CUBN: variants seen among roughly 807,000 people sequenced by gnomAD.
The protein encoded by CUBN is 460 kDa receptor.
Under a neutral mutation model 405.3 loss-of-function variants are expected in CUBN, and 282 were observed. The ratio of observed to expected loss-of-function variants is 0.70; its 90% CI spans 0.63 to 0.77. The LOEUF is 0.77. CUBN is among the 30% of genes least tolerant of loss of function. CUBN has a pLI of 0.00. For missense variants in CUBN, 4,514 were observed against 4,475.2 expected, an observed-to-expected ratio of 1.01 and a Z score of -0.25; for synonymous variants, 1,684 against 1,617.0, an observed-to-expected ratio of 1.04 and a Z score of -0.99.
intron 13 of CUBN, 105 bp downstream of exon 13, chr10:17,103,020 T>C (rs1024405779): frequency 2.6e-6 from 2 of 765,202 alleles, no homozygotes; most frequent in South Asian, 1.5e-5. Context: ...CAATATATGA[T>C]AGTTGAATTA....
chr10:16,982,031 C>T (rs1272301859), intron 31 of CUBN, among the ~76,000 whole-genome samples: 3 of 152,190 alleles, frequency 2.0e-5, no homozygotes, highest in African/African-American at 7.2e-5. Context: ...TTCCATGATA[C>T]TTTCTGGATC....
At chr10:17,040,735 C>T (rs1834999067) in intron 27 of CUBN, among the ~76,000 whole-genome samples, 1 of 151,872 alleles carries the variant, frequency 6.6e-6, no homozygotes, top group African/African-American at 2.4e-5. Context: ...AGAGAACAAA[C>T]ATAAAAACAA....
intron 27 of CUBN, among the ~76,000 whole-genome samples, chr10:17,031,389 A>G (rs1466568996): frequency 2.0e-5 from 3 of 152,112 alleles, no homozygotes; most frequent in African/African-American, 7.3e-5. Flanking sequence ...CTCTTTACAT[A>G]TATGGATTCA....
intron 22 of CUBN, among the ~76,000 whole-genome samples, chr10:17,055,910 T>C (rs1357676994): frequency 6.6e-6 from 1 of 152,122 alleles, no homozygotes; most frequent in Non-Finnish European, 1.5e-5. Flanking sequence ...ATTGAAAAGC[T>C]GATTCTAAAA....
At chr10:16,864,657 C>CTTTTTTTTTTTTT (rs58100254) in intron 59 of CUBN, among the ~76,000 whole-genome samples, 2 of 121,446 alleles carry the variant, frequency 1.6e-5, no homozygotes, top group East Asian at 2.6e-4. Context: ...TTTTTTCTTT[C>CTTTTTTTTTTTTT]TTTTTTTTTT....
intron 59 of CUBN, among the ~76,000 whole-genome samples, chr10:16,852,544 G>A (rs967202823): frequency 2.0e-5 from 3 of 147,068 alleles, no homozygotes; most frequent in Non-Finnish European, 3.0e-5. Context: ...TGCCTCCCTC[G>A]CTCTTTGCTT....
chr10:17,119,985 C>T (rs1294410553), intron 6 of CUBN, among the ~76,000 whole-genome samples: 2 of 152,054 alleles, frequency 1.3e-5, no homozygotes, highest in African/African-American at 2.4e-5. Flanking sequence ...CTCCTTTTTC[C>T]GTCCAAGTAA....
intron 39 of CUBN, among the ~76,000 whole-genome samples, chr10:16,936,160 T>A (rs1200365818): frequency 6.6e-6 from 1 of 152,146 alleles, no homozygotes; most frequent in Non-Finnish European, 1.5e-5. Flanking sequence ...ATTATGAAAT[T>A]TCGTAATAAA....
intron 40 of CUBN, 21 bp from the exon 41 acceptor site, chr10:16,928,324 C>A (rs1406343604): frequency 1.2e-6 from 2 of 1,612,934 alleles, no homozygotes; most frequent in Admixed American, 3.3e-5. Flanking sequence ...AGAAAGGGAA[C>A]AACATGAAAA....
intron 36 of CUBN, among the ~76,000 whole-genome samples, chr10:16,941,521 A>C (rs1234437040): frequency 2.0e-5 from 3 of 152,330 alleles, no homozygotes; most frequent in African/African-American, 7.2e-5. Context: ...TTGAATTCAT[A>C]AATAAACATT....
intron 31 of CUBN, among the ~76,000 whole-genome samples, chr10:16,977,381 C>T (rs1384641590): frequency 6.6e-6 from 1 of 152,032 alleles, no homozygotes; most frequent in African/African-American, 2.4e-5. Flanking sequence ...AGCAGAGGAG[C>T]AGAAGAGCAG....
At chr10:17,021,029 A>G (rs909353980) in intron 27 of CUBN, among the ~76,000 whole-genome samples, 1 of 152,192 alleles carries the variant, frequency 6.6e-6, no homozygotes, top group African/African-American at 2.4e-5. Context: ...TATGATGACG[A>G]TCATGTTTTA....
In CUBN at chr10:17,085,580, A is replaced by T. The variant is rs548918948; in HGVS notation, c.2110+17T>A. ...CCTTCAAATCCCTCTTAAGCCCCCA[A>T]CTGGTAGGTTACTTACAAGGTGATG... On this transcript the variant is annotated intron_variant, in intron 16 of 66. Coordinates refer to ENST00000377833, the MANE Select transcript of CUBN (RefSeq NM_001081.4). 6.2e-7 allele frequency: 1 copy of T among 1,612,656 alleles called. No individual in the cohort carries two copies. Among genetic ancestry groups the T allele is most frequent in the Non-Finnish European group, 8.5e-7 (1 of 1,178,676 alleles).
intron 10 of CUBN, among the ~76,000 whole-genome samples, chr10:17,107,481 A>AT (rs1836660950): frequency 6.7e-6 from 1 of 149,700 alleles, no homozygotes; most frequent in Non-Finnish European, 1.5e-5. Flanking sequence ...ATTGAATGAC[A>AT]ATATAAGTTG....
intron 59 of CUBN, among the ~76,000 whole-genome samples, chr10:16,857,203 G>A (rs1386524995): frequency 1.3e-5 from 2 of 152,084 alleles, no homozygotes; most frequent in Non-Finnish European, 2.9e-5. Context: ...GTTTTTTATT[G>A]TTTTGTTTGT....
At chr10:16,933,770 A>G (rs1245135859) in intron 39 of CUBN, among the ~76,000 whole-genome samples, 1 of 151,996 alleles carries the variant, frequency 6.6e-6, no homozygotes, top group East Asian at 1.9e-4. Flanking sequence ...ATTTCCAGAA[A>G]CATGTCGGAG....
In CUBN at chr10:16,824,781, A is replaced by C. The variant is rs1436843940; in HGVS notation, c.*194T>G. 1 of 567,272 alleles carries C rather than the reference A, an allele frequency of 1.8e-6. No homozygotes were observed. Among genetic ancestry groups the C allele is most frequent in the South Asian group, 1.7e-5 (1 of 59,902 alleles). 35.1% of individuals were successfully genotyped at this position (567,272 alleles called of 1,614,324 possible). On this transcript the variant is annotated 3_prime_UTR_variant, in exon 67 of 67. Transcript: ENST00000377833. ...GTGATCAACCTGCCTCGGCCTCCCAAAGTGCTGAGAATACAGGGGGGTGAG... is the reference window on the plus strand; with the variant it reads ...GTGATCAACCTGCCTCGGCCTCCCACAGTGCTGAGAATACAGGGGGGTGAG...
chr10:16,898,066 G>GTATGTATA (rs982879441), intron 54 of CUBN, among the ~76,000 whole-genome samples: 2 of 145,032 alleles, frequency 1.4e-5, no homozygotes, highest in African/African-American at 5.1e-5. Flanking sequence ...TTTATTATAT[G>GTATGTATA]TATATATATA....
At chr10:16,965,407 A>G (rs1843361155) in intron 31 of CUBN, among the ~76,000 whole-genome samples, 1 of 152,168 alleles carries the variant, frequency 6.6e-6, no homozygotes, top group Non-Finnish European at 1.5e-5. Flanking sequence ...ATTGACGTGG[A>G]CGTGATGCAG....
Sources: allele counts gnomAD v4.1 joint callset (sites outside exome capture counted in the v4.1 genomes callset), GRCh38; gene constraint gnomAD v4.1.1; transcripts MANE v1.5; gene names NCBI Gene and HGNC (gene_info 2026-07-23, HGNC 2026-07-21).